The following OSBPL3 variants were observed in gnomAD, a reference collection of about 807,000 sequenced individuals.
OSBPL3 encodes the protein oxysterol binding protein like 3.
A neutral mutation model predicts 120.1 loss-of-function variants in OSBPL3; 65 were observed. That is an observed-to-expected ratio of 0.54 (90% CI 0.44 to 0.67). OSBPL3 has a LOEUF of 0.67. Among genes scored for constraint, OSBPL3 ranks in the 30% least tolerant of loss-of-function variants. OSBPL3 has a pLI of 0.00. For synonymous variants in OSBPL3, 416 were observed against 402.6 expected, an observed-to-expected ratio of 1.03 and a Z score of -0.40; for missense variants, 1,004 against 1,082.1, an observed-to-expected ratio of 0.93 and a Z score of 1.01.
chr7:24,812,824 G>GT (rs958370333), intron 19 of OSBPL3, among the ~76,000 whole-genome samples: 1 of 152,184 alleles, frequency 6.6e-6, no homozygotes, highest in African/African-American at 2.4e-5. Flanking sequence ...CTCCAGCCAT[G>GT]TAAGAATGAA....
rs1420167920 is a variant in OSBPL3, at chr7:24,898,743, C to T, written c.-149-6122G>A. On this transcript the variant is annotated intron_variant, in intron 1 of 22. Coordinates refer to ENST00000313367, the MANE Select transcript of OSBPL3 (RefSeq NM_015550.4). The surrounding 1 kb of genome is among the most constrained non-coding windows in gnomAD (Gnocchi z 4.3). The stretch of plus-strand genomic sequence containing the variant: ...ATCACTGAGTAAACAAAACAACAAG[C>T]GCAATAACACCAGTCATTAGAATCA... 6.6e-6 allele frequency among the ~76,000 whole-genome samples: 1 copy of T among 152,118 alleles called. No homozygotes were observed. The highest frequency in any genetic ancestry group is 2.4e-5 in the African/African-American group (1 of 41,418).
chr7:24,951,817 C>T (rs932165922), intron 1 of OSBPL3, among the ~76,000 whole-genome samples: 2 of 152,168 alleles, frequency 1.3e-5, no homozygotes, highest in African/African-American at 4.8e-5. Flanking sequence ...AGGGACAAAA[C>T]ATTCTAGACA....
intron 14 of OSBPL3, among the ~76,000 whole-genome samples, chr7:24,836,429 TA>T (rs1393454840): frequency 6.6e-6 from 1 of 152,236 alleles, no homozygotes; most frequent in Non-Finnish European, 1.5e-5. Context: ...CCTTCCTATT[TA>T]TGTATTAACA....
At chr7:24,919,320 T>C (rs932938762) in intron 1 of OSBPL3, among the ~76,000 whole-genome samples, 11 of 151,704 alleles carry the variant, frequency 7.3e-5, no homozygotes, top group Admixed American at 2.0e-4. Context: ...TACAGATCAG[T>C]GGAATAAGAT....
chr7:24,858,019 T>C (rs1800043144), intron 10 of OSBPL3, among the ~76,000 whole-genome samples: 1 of 152,244 alleles, frequency 6.6e-6, no homozygotes, highest in African/African-American at 2.4e-5. Context: ...CTTTTAGGTT[T>C]CAATATATTT....
At position 24,831,047 on chromosome 7, in the gene OSBPL3, G is replaced by T. The variant is rs1159729345; in HGVS notation, c.1747-142C>A. 15 of 768,094 alleles carry T rather than the reference G, an allele frequency of 2.0e-5. No homozygotes were observed. In the Admixed American group the frequency reaches 5.3e-4, roughly 27 times the overall value. 47.6% of individuals were successfully genotyped at this position (768,094 alleles called of 1,614,324 possible). On this transcript the variant is annotated intron_variant, in intron 15 of 22. Transcript: ENST00000313367. This position sits in a 1 kb window ranked among gnomAD's most constrained non-coding sequence, Gnocchi z 4.0. ...CTTTGGTTGTTTTTAAACAACATAG[G>T]TTTAAAATTGTAGGTTTAAATAATG... is the stretch of plus-strand genomic sequence containing the variant.
In OSBPL3 at chr7:24,800,093, T is replaced by G. The variant is rs3088014; in HGVS notation, c.*90A>C. 73,387 of 705,422 alleles carry G rather than the reference T, an allele frequency of 0.1. 4,460 individuals carry two copies. Among genetic ancestry groups the G allele is most frequent in the Admixed American group, 0.15 (6,865 of 46,576 alleles). 43.7% of individuals were successfully genotyped at this position (705,422 alleles called of 1,614,324 possible). ...CTAAGCACAAGTGATCATCCTAGAG[T>G]ATCTTTTAAATATATAAACACAGGT... On this transcript the variant is annotated 3_prime_UTR_variant, in exon 23 of 23. Transcript: ENST00000313367.
intron 12 of OSBPL3, among the ~76,000 whole-genome samples, chr7:24,846,893 T>C (rs749083327): frequency 1.3e-5 from 2 of 151,766 alleles, no homozygotes; most frequent in East Asian, 1.9e-4. Context: ...TGAAACCCTG[T>C]CTCTACTAAA....
At position 24,824,198 on chromosome 7, in the gene OSBPL3, GTATC is replaced by G. The variant is rs1293254940; in HGVS notation, c.1885-3964_1885-3961del. Among the ~76,000 whole-genome samples the G allele has an allele frequency of 5.9e-5, 9 of 152,152 alleles. No individual in the cohort carries two copies. The highest frequency in any genetic ancestry group is 2.2e-4 in the African/African-American group (9 of 41,430). On this transcript the variant is annotated intron_variant, in intron 16 of 22. Transcript: ENST00000313367. This position sits in a 1 kb window ranked among gnomAD's most constrained non-coding sequence, Gnocchi z 4.9. ...CGCAAGTATTTATATGGTAACACAT[GTATC>G]TATCTTTCTTTCTACAAGCCCCAAT...
In OSBPL3 at chr7:24,863,206, T is replaced by G; in HGVS notation, c.864A>C (p.Thr288=). The G allele has an allele frequency of 9.3e-6, 15 of 1,612,594 alleles. No individual in the cohort carries two copies. The highest frequency in any genetic ancestry group is 1.3e-5 in the Non-Finnish European group (15 of 1,178,596). The change falls in exon 9 of 23, where the codon ACA becomes ACC. Residue 288 remains threonine (T), a synonymous_variant. Transcript: ENST00000313367. The surrounding 1 kb of genome is among the most constrained non-coding windows in gnomAD (Gnocchi z 5.8). ...CAGGGGAAGCAATGGTTACCTGCAGTGTTCCTTTAGCATCTTTGCCAATAG... is the reference window on the plus strand; with the variant it reads ...CAGGGGAAGCAATGGTTACCTGCAGGGTTCCTTTAGCATCTTTGCCAATAG... ...SRAIGKDAKG[T]LQVPKPFSGP...
rs112666005 is a variant in OSBPL3 at position 24,831,537 on chromosome 7, C to G, written c.1747-632G>C. Among the ~76,000 whole-genome samples the G allele has an allele frequency of 7.9e-3, 1,207 of 152,242 alleles. 23 individuals are homozygous for G. Among genetic ancestry groups the G allele is most frequent in the African/African-American group, 0.028 (1,157 of 41,532 alleles). On this transcript the variant is annotated intron_variant, in intron 15 of 22. Coordinates refer to ENST00000313367, the MANE Select transcript of OSBPL3 (RefSeq NM_015550.4). The surrounding 1 kb of genome is among the most constrained non-coding windows in gnomAD (Gnocchi z 4.0). The stretch of plus-strand genomic sequence containing the variant: ...AAGAGAGGAAGGAAGAAAAACTTTA[C>G]GTGAACACGAAGTGAACAAACTCTC...
chr7:24,914,786 T>G (rs962968696), intron 1 of OSBPL3, among the ~76,000 whole-genome samples: 1 of 152,084 alleles, frequency 6.6e-6, no homozygotes, highest in Non-Finnish European at 1.5e-5. Context: ...ATCAGCAGGG[T>G]TTTTTAGTAA....
At chr7:24,837,830 G>A (rs1797202058) in intron 14 of OSBPL3, among the ~76,000 whole-genome samples, 1 of 152,198 alleles carries the variant, frequency 6.6e-6, no homozygotes, top group Admixed American at 6.5e-5. Context: ...GGCTAACCAA[G>A]GAAGTCTGGT....
intron 1 of OSBPL3, among the ~76,000 whole-genome samples, chr7:24,925,861 G>A (rs554910974): frequency 3.3e-5 from 5 of 152,230 alleles, no homozygotes; most frequent in Non-Finnish European, 7.3e-5. Flanking sequence ...GATTTGTGAT[G>A]TGGAAAAGGT....
At chr7:24,980,640 AAGTC>A (rs1818236904), upstream of OSBPL3, among the ~76,000 whole-genome samples, 1 of 151,980 alleles carries the variant, frequency 6.6e-6, no homozygotes, top group Non-Finnish European at 1.5e-5. Context: ...CCTCCCGAGA[AAGTC>A]AGACTGTGGC....
At position 24,807,790 on chromosome 7, in the gene OSBPL3, C is replaced by T. The variant is rs1016866140; in HGVS notation, c.2318-888G>A. On this transcript the variant is annotated intron_variant, in intron 20 of 22. Transcript: ENST00000313367. ...TGGAATTCCAAAAAAGCTAAACATA[C>T]CCAAATTTACATATTGTATAAATCC... Among the ~76,000 whole-genome samples the T allele has an allele frequency of 3.9e-5, 6 of 152,094 alleles. No homozygotes were observed. The East Asian group carries it at 9.6e-4, about 24-fold the overall frequency.
chr7:24,955,500 C>T lies in OSBPL3; in HGVS notation c.-150+24386G>A, dbSNP rs941916232. 1.8e-4 allele frequency among the ~76,000 whole-genome samples: 28 copies of T among 152,208 alleles called. 1 individual carries two copies. Among genetic ancestry groups the T allele is most frequent in the African/African-American group, 6.8e-4 (28 of 41,452 alleles). ...TGTGGAGGAGAGGCTACTGGGGTGG[C>T]CTCAGGGCCTTTGCACTTCTTGTTT... On this transcript the variant is annotated intron_variant, in intron 1 of 22. Coordinates refer to ENST00000313367, the MANE Select transcript of OSBPL3 (RefSeq NM_015550.4). This position sits in a 1 kb window ranked among gnomAD's most constrained non-coding sequence, Gnocchi z 4.3.
intron 14 of OSBPL3, among the ~76,000 whole-genome samples, 186 bp downstream of exon 14, chr7:24,840,504 C>T (rs1346363660): frequency 6.6e-6 from 1 of 152,140 alleles, no homozygotes; most frequent in African/African-American, 2.4e-5. Flanking sequence ...ACACATAACA[C>T]ACAAAATATG....
At chr7:24,910,275 C>A (rs1278833834) in intron 1 of OSBPL3, among the ~76,000 whole-genome samples, 1 of 152,178 alleles carries the variant, frequency 6.6e-6, no homozygotes, top group Non-Finnish European at 1.5e-5. Flanking sequence ...CCAAGAGTCA[C>A]TACAGATCAG....
Sources: allele counts gnomAD v4.1 joint callset (sites outside exome capture counted in the v4.1 genomes callset), GRCh38; gene constraint gnomAD v4.1.1; non-coding constraint Gnocchi (gnomAD v3.1); transcripts MANE v1.5; gene names NCBI Gene and HGNC (gene_info 2026-07-23, HGNC 2026-07-21).